The following EXOC6B variants were observed in gnomAD, a reference collection of about 807,000 sequenced individuals.
EXOC6B encodes exocyst complex component 6B.
A neutral mutation model predicts 113.5 loss-of-function variants in EXOC6B; 54 were observed. The ratio of observed to expected loss-of-function variants is 0.48; its 90% CI spans 0.38 to 0.60. EXOC6B has a LOEUF of 0.60. EXOC6B is among the 20% of genes least tolerant of loss of function. EXOC6B has a pLI of 0.00. For synonymous variants in EXOC6B, 357 were observed against 339.0 expected, an observed-to-expected ratio of 1.05 and a Z score of -0.58; for missense variants, 797 against 977.5, an observed-to-expected ratio of 0.82 and a Z score of 2.46.
chr2:72,692,502 C>A (rs1284166435), intron 6 of EXOC6B, among the ~76,000 whole-genome samples: 4 of 152,070 alleles, frequency 2.6e-5, no homozygotes, highest in Admixed American at 6.6e-5. Context: ...CAGGCGCCCA[C>A]CACCATGCCC....
chr2:72,203,541 C>G (rs1679627677), intron 20 of EXOC6B, among the ~76,000 whole-genome samples: 1 of 152,170 alleles, frequency 6.6e-6, no homozygotes, highest in Non-Finnish European at 1.5e-5. Context: ...AACTGGACTT[C>G]CATTATCAAT....
At chr2:72,194,716 G>A (rs1269747122) in intron 20 of EXOC6B, among the ~76,000 whole-genome samples, 1 of 152,122 alleles carries the variant, frequency 6.6e-6, no homozygotes, top group Non-Finnish European at 1.5e-5. Flanking sequence ...GGCTGGAGGT[G>A]TCTACGGATT....
At chr2:72,434,228 C>T (rs1377216406) in intron 18 of EXOC6B, among the ~76,000 whole-genome samples, 1 of 152,118 alleles carries the variant, frequency 6.6e-6, no homozygotes, top group Non-Finnish European at 1.5e-5. Context: ...ATATATTGAA[C>T]CAGCGTTGCA....
intron 19 of EXOC6B, among the ~76,000 whole-genome samples, chr2:72,364,940 G>T (rs1292997144): frequency 1.3e-5 from 2 of 152,100 alleles, no homozygotes; most frequent in African/African-American, 2.4e-5. Flanking sequence ...ATTCAGAGAA[G>T]GATGACTTCA....
chr2:72,553,491 C>T (rs1216873545), intron 8 of EXOC6B, among the ~76,000 whole-genome samples: 3 of 151,772 alleles, frequency 2.0e-5, no homozygotes, highest in African/African-American at 7.3e-5. Flanking sequence ...ATAGCTAATG[C>T]AATTTTAAAG....
intron 20 of EXOC6B, among the ~76,000 whole-genome samples, chr2:72,311,919 G>A (rs1687210544): frequency 6.6e-6 from 1 of 152,176 alleles, no homozygotes; most frequent in African/African-American, 2.4e-5. Flanking sequence ...AGATTCTTAT[G>A]TTTTGTCCTG....
At chr2:72,362,448 T>C (rs1044826405) in intron 19 of EXOC6B, among the ~76,000 whole-genome samples, 4 of 152,098 alleles carry the variant, frequency 2.6e-5, no homozygotes, top group Non-Finnish European at 2.9e-5. Context: ...TAAAGGCATA[T>C]ACATAAAGAA....
At chr2:72,385,305 C>T (rs576828430) in intron 18 of EXOC6B, among the ~76,000 whole-genome samples, 26 of 151,832 alleles carry the variant, frequency 1.7e-4, no homozygotes, top group African/African-American at 3.6e-4. Context: ...GACATCCACA[C>T]GCATAAGAAT....
At chr2:72,212,170 G>A (rs984494660) in intron 20 of EXOC6B, among the ~76,000 whole-genome samples, 3 of 152,186 alleles carry the variant, frequency 2.0e-5, no homozygotes, top group South Asian at 2.1e-4. Flanking sequence ...GTCTCTGTAG[G>A]AAGGTATAAT....
intron 20 of EXOC6B, among the ~76,000 whole-genome samples, chr2:72,202,523 T>A (rs756360389): frequency 6.6e-6 from 1 of 152,218 alleles, no homozygotes; most frequent in Non-Finnish European, 1.5e-5. Context: ...TTTATCCACA[T>A]GGCTTGTTCT....
intron 19 of EXOC6B, among the ~76,000 whole-genome samples, chr2:72,337,696 C>T (rs1226402959): frequency 6.6e-6 from 1 of 152,048 alleles, no homozygotes; most frequent in East Asian, 1.9e-4. Context: ...ATGACAGTTG[C>T]ATCAGGTATG....
chr2:72,526,942 A>C (rs1000351107), intron 8 of EXOC6B, among the ~76,000 whole-genome samples: 1 of 151,984 alleles, frequency 6.6e-6, no homozygotes, highest in South Asian at 2.1e-4. Flanking sequence ...TAAACATCTT[A>C]GGAAACTATA....
intron 1 of EXOC6B, among the ~76,000 whole-genome samples, chr2:72,823,925 T>A (rs1001144343): frequency 1.2e-4 from 18 of 152,204 alleles, no homozygotes; most frequent in Non-Finnish European, 2.9e-5. Flanking sequence ...TAGAGATGAT[T>A]TGAAGTATAC....
intron 18 of EXOC6B, among the ~76,000 whole-genome samples, chr2:72,441,821 T>TC (rs1476582022): frequency 2.0e-5 from 3 of 152,138 alleles, no homozygotes; most frequent in Admixed American, 1.3e-4. Flanking sequence ...TTCTACCAGA[T>TC]GTACAAAGAA....
At chr2:72,219,867 T>C (rs1030556787) in intron 20 of EXOC6B, among the ~76,000 whole-genome samples, 1 of 152,214 alleles carries the variant, frequency 6.6e-6, no homozygotes, top group African/African-American at 2.4e-5. Context: ...CATGTATTTA[T>C]GAAAAACTAA....
At chr2:72,780,435 A>G (rs568217292) in intron 1 of EXOC6B, among the ~76,000 whole-genome samples, 2 of 152,260 alleles carry the variant, frequency 1.3e-5, no homozygotes, top group African/African-American at 2.4e-5. Flanking sequence ...TTATTGTTCT[A>G]TTTTTTCCTT....
intron 20 of EXOC6B, among the ~76,000 whole-genome samples, chr2:72,202,618 C>A (rs899342729): frequency 1.3e-5 from 2 of 151,948 alleles, no homozygotes; most frequent in Non-Finnish European, 2.9e-5. Context: ...ACAGTTTATA[C>A]CATGAGCAAG....
chr2:72,339,877 T>C (rs559173167), intron 19 of EXOC6B, among the ~76,000 whole-genome samples: 1 of 152,334 alleles, frequency 6.6e-6, no homozygotes, highest in East Asian at 1.9e-4. Context: ...GCCAAATATC[T>C]AACTCTTCAT....
intron 6 of EXOC6B, among the ~76,000 whole-genome samples, chr2:72,688,283 G>T (rs1677229590): frequency 6.6e-6 from 1 of 152,160 alleles, no homozygotes; most frequent in Non-Finnish European, 1.5e-5. Flanking sequence ...TTGAGTCCAA[G>T]AAATTTACTT....
Sources: allele counts gnomAD v4.1 joint callset (sites outside exome capture counted in the v4.1 genomes callset), GRCh38; gene constraint gnomAD v4.1.1; transcripts MANE v1.5; gene names NCBI Gene and HGNC (gene_info 2026-07-23, HGNC 2026-07-21).